The following TBPL2 variants were observed in gnomAD, a reference collection of about 807,000 sequenced individuals.
TBPL2 encodes the protein TATA-box binding protein like 2, also known as TATA box-binding protein-like 2.
In TBPL2, 40 loss-of-function variants were observed where a neutral mutation model predicts 38.2. The observed-to-expected ratio is 1.05, with a 90% CI of 0.81 to 1.36. The LOEUF is 1.36. TBPL2 is among the 40% of genes most tolerant of loss of function. The pLI, the probability that TBPL2 is intolerant of heterozygous loss-of-function variation, is 0.00. For synonymous variants in TBPL2, 169 were observed against 171.7 expected (o/e 0.98, Z 0.12); for missense variants, 461 against 456.7 (o/e 1.01, Z -0.09).
chr14:55,430,924 G>A (rs545474090), intron 4 of TBPL2, among the ~76,000 whole-genome samples: 1 of 152,324 alleles, frequency 6.6e-6, no homozygotes, highest in South Asian at 2.1e-4. Context: ...TAGTCCTGTA[G>A]TTTCTTGGGA....
At chr14:55,437,708 C>A (rs713477) in intron 1 of TBPL2, among the ~76,000 whole-genome samples, 60,926 of 152,070 alleles carry the variant, frequency 0.4, 14,176 homozygotes, top group East Asian at 0.6. Context: ...TAATTATAAA[C>A]TTTAGTTGAC....
chr14:55,433,634 T>G (rs1468345866), exon 4 of TBPL2: 2 of 1,614,048 alleles, frequency 1.2e-6, no homozygotes, highest in Non-Finnish European at 1.7e-6. Context: ...TCATACCTTT[T>G]GGCTCCCGTG....
At position 55,439,617 on chromosome 14, in the gene TBPL2, C is replaced by CCCCCCCCCCGG. The variant is rs762700151; in HGVS notation, c.150+778_150+779insCCGGGGGGGGG. On this transcript the variant is annotated intron_variant, in intron 1 of 6. Coordinates refer to ENST00000247219, the Ensembl canonical transcript of TBPL2. Reference sequence around the variant, plus strand: ...ACCAGCCTGGGGAGAAAAGCAAACCCCCCCCCGTCTCTACTAAAAAATACA... The same window carrying CCCCCCCCCCGG: ...ACCAGCCTGGGGAGAAAAGCAAACCCCCCCCCCCCGGCCCCCCGTCTCTACTAAAAAATACA... 2.8e-5 allele frequency among the ~76,000 whole-genome samples: 2 copies of CCCCCCCCCCGG among 72,628 alleles called. 1 individual carries two copies. The highest frequency in any genetic ancestry group is 5.9e-5 in the Non-Finnish European group (2 of 33,676). The allele number at this position is 72,628 out of a possible 152,430, so 47.6% of individuals were successfully genotyped here.
At chr14:55,418,573 G>C (rs572904734) in intron 6 of TBPL2, among the ~76,000 whole-genome samples, 8 of 152,154 alleles carry the variant, frequency 5.3e-5, no homozygotes, top group South Asian at 2.1e-4. Context: ...ACATCCTGTC[G>C]TGTCTCTGGC....
chr14:55,439,614 A>ACCCCCCCCCCCCCCC (rs576819393), intron 1 of TBPL2, among the ~76,000 whole-genome samples: 1 of 84,510 alleles, frequency 1.2e-5, no homozygotes, highest in Non-Finnish European at 2.5e-5. Context: ...AGAAAAGCAA[A>ACCCCCCCCCCCCCCC]CCCCCCCCCG....
At chr14:55,426,935 G>A (rs956392439) in intron 5 of TBPL2, among the ~76,000 whole-genome samples, 1 of 147,236 alleles carries the variant, frequency 6.8e-6, no homozygotes, top group Non-Finnish European at 1.5e-5. Flanking sequence ...GGACACTTGG[G>A]AAGAACCACA....
At chr14:55,417,453 T>TAAAA (rs539769285) in intron 6 of TBPL2, among the ~76,000 whole-genome samples, 2 of 91,348 alleles carry the variant, frequency 2.2e-5, no homozygotes, top group East Asian at 3.2e-4. Flanking sequence ...ACCCTTGCCT[T>TAAAA]AAAAAAAAAA....
exon 1 of TBPL2, chr14:55,440,440 C>T (rs763811868): frequency 1.2e-6 from 2 of 1,612,928 alleles, no homozygotes; most frequent in Admixed American, 3.3e-5. Flanking sequence ...TAGGTCTCCT[C>T]CTGCTCCATG....
In TBPL2 at chr14:55,417,453, T is replaced by TAA. The variant is rs539769285; in HGVS notation, c.1052-3000_1052-2999dup. 4.1e-3 allele frequency among the ~76,000 whole-genome samples: 379 copies of TAA among 91,332 alleles called. 13 individuals carry two copies. The highest frequency in any genetic ancestry group is 0.017 in the African/African-American group (358 of 21,032). 59.9% of individuals were successfully genotyped at this position (91,332 alleles called of 152,430 possible). On this transcript the variant is annotated intron_variant, in intron 6 of 6. Coordinates refer to ENST00000247219, the Ensembl canonical transcript of TBPL2. Reference sequence around the variant, plus strand: ...GGCTCCAATGAGATGACCCTTGCCTTAAAAAAAAAAAAAAAAAAAAAAAAA... The same window carrying TAA: ...GGCTCCAATGAGATGACCCTTGCCTTAAAAAAAAAAAAAAAAAAAAAAAAAAA...
At chr14:55,416,103 A>G (rs1441325783) in intron 6 of TBPL2, among the ~76,000 whole-genome samples, 1 of 152,196 alleles carries the variant, frequency 6.6e-6, no homozygotes, top group Non-Finnish European at 1.5e-5. Context: ...AATGGGGGGA[A>G]TGGTTTAATG....
rs370940866 is a variant in TBPL2, at chr14:55,437,731, T to A, written c.151-713A>T. On this transcript the variant is annotated intron_variant, in intron 1 of 6. Coordinates refer to ENST00000247219, the Ensembl canonical transcript of TBPL2. ...AACTTTAGTTGACTTTACTTTGAAA[T>A]AATTTTGAGTTTTAAATGTAAATAG... Among the ~76,000 whole-genome samples the A allele has an allele frequency of 6.6e-5, 10 of 152,326 alleles. No homozygotes were observed. The East Asian group carries it at 1.7e-3, about 26-fold the overall frequency.
At chr14:55,422,999 T>TAA (rs1885768529) in intron 6 of TBPL2, among the ~76,000 whole-genome samples, 1 of 151,554 alleles carries the variant, frequency 6.6e-6, no homozygotes, top group Admixed American at 6.6e-5. Flanking sequence ...CAGGAAAAAA[T>TAA]AACAAATATA....
chr14:55,434,868 A>T (rs1278538047), intron 3 of TBPL2, among the ~76,000 whole-genome samples: 15 of 152,112 alleles, frequency 9.9e-5, no homozygotes, highest in Non-Finnish European at 1.5e-5. Flanking sequence ...TAATTCCATA[A>T]ATCCTCCACC....
intron 1 of TBPL2, among the ~76,000 whole-genome samples, chr14:55,437,763 T>A (rs754091125): frequency 1.3e-5 from 2 of 152,204 alleles, no homozygotes; most frequent in Non-Finnish European, 2.9e-5. Context: ...ATAGAATAAA[T>A]GAAGGAAGTT....
chr14:55,424,275 ATG>A, intron 5 of TBPL2, 22 bp from the exon 6 acceptor site: 1 of 1,521,272 alleles, frequency 6.6e-7, no homozygotes, highest in Non-Finnish European at 9.1e-7. Flanking sequence ...TAAAAGGAAA[ATG>A]TTAAAAATAG....
At chr14:55,424,620 T>A (rs930407325) in intron 5 of TBPL2, among the ~76,000 whole-genome samples, 1 of 152,242 alleles carries the variant, frequency 6.6e-6, no homozygotes, top group Non-Finnish European at 1.5e-5. Context: ...GGTTTCCAAA[T>A]TCTCCAATAA....
exon 2 of TBPL2, chr14:55,436,746 G>A (rs754030000): frequency 7.4e-6 from 12 of 1,614,162 alleles, no homozygotes; most frequent in East Asian, 4.5e-5. Flanking sequence ...CCAGCCCAAC[G>A]TCCTGTTCGC....
At chr14:55,427,899 G>A (rs945660758) in intron 5 of TBPL2, among the ~76,000 whole-genome samples, 1 of 51,970 alleles carries the variant, frequency 1.9e-5, no homozygotes, top group Non-Finnish European at 4.0e-5. Context: ...TTTTTTTTTT[G>A]AGACGGAGTC....
chr14:55,427,040 C>T (rs1885836562), intron 5 of TBPL2, among the ~76,000 whole-genome samples: 1 of 152,190 alleles, frequency 6.6e-6, no homozygotes, highest in Non-Finnish European at 1.5e-5. Context: ...CAGATGTACA[C>T]TAAGCCGATT....
Sources: gnomAD v4.1 joint callset for allele counts (sites outside exome capture counted in the v4.1 genomes callset) on GRCh38, gnomAD v4.1.1 for gene constraint, MANE v1.5 for transcripts, NCBI Gene and HGNC (gene_info 2026-07-23, HGNC 2026-07-21) for gene names.